The following KCNAB1 variants were observed in gnomAD, a reference collection of about 807,000 sequenced individuals.
KCNAB1 encodes the protein voltage-gated potassium channel subunit beta-1.
Under a neutral mutation model 64.6 loss-of-function variants are expected in KCNAB1, and 35 were observed. The ratio of observed to expected loss-of-function variants is 0.54; its 90% CI spans 0.41 to 0.72. The LOEUF (loss-of-function observed/expected upper bound fraction) is 0.72. Ranked by LOEUF, KCNAB1 falls within the 30% of genes least tolerant of loss-of-function variation. KCNAB1 has a pLI of 0.00. For missense variants in KCNAB1, 401 were observed against 512.9 expected, an observed-to-expected ratio of 0.78 and a Z score of 2.11; for synonymous variants, 177 against 183.8, an observed-to-expected ratio of 0.96 and a Z score of 0.30.
chr3:156,291,814 A>G lies in KCNAB1; in HGVS notation c.276-129802A>G, dbSNP rs142304029. 1,014 of 1,584,724 alleles carry G rather than the reference A, an allele frequency of 6.4e-4. 1 individual carries two copies. Among genetic ancestry groups the G allele is most frequent in the Middle Eastern group, 5.2e-3 (23 of 4,454 alleles). On this transcript the variant is annotated intron_variant, in intron 1 of 13. Transcript: ENST00000490337. ...CAGGAAGGGGGAGCAAGGAGGGCTT[A>G]AAAGAAAAGCAGAAATCCCCGCAAC...
intron 1 of KCNAB1, among the ~76,000 whole-genome samples, chr3:156,247,069 A>G (rs953236275): frequency 2.0e-5 from 3 of 151,698 alleles, no homozygotes; most frequent in Non-Finnish European, 2.9e-5. Context: ...ATTGACTGGG[A>G]AAAAAAAACT....
At position 156,408,298 on chromosome 3, in the gene KCNAB1, G is replaced by A. The variant is rs552277599; in HGVS notation, c.276-13318G>A. 7.2e-5 allele frequency among the ~76,000 whole-genome samples: 11 copies of A among 152,196 alleles called. No individual in the cohort carries two copies. The South Asian group carries it at 2.3e-3, about 32-fold the overall frequency. On this transcript the variant is annotated intron_variant, in intron 1 of 13. Coordinates refer to ENST00000490337, the MANE Select transcript of KCNAB1 (RefSeq NM_172160.3). ...GCACGGATCATGTGAAGGCAGCAAG[G>A]GGCAGAGGAAGACCACACACTTCAA... is the stretch of plus-strand genomic sequence containing the variant.
At chr3:156,158,954 C>T (rs1715915240) in intron 1 of KCNAB1, among the ~76,000 whole-genome samples, 1 of 152,082 alleles carries the variant, frequency 6.6e-6, no homozygotes, top group Non-Finnish European at 1.5e-5. Context: ...AGCTGAATGA[C>T]TTCTGTAGCT....
intron 8 of KCNAB1, among the ~76,000 whole-genome samples, chr3:156,506,021 A>G (rs1576952331): frequency 6.6e-6 from 1 of 152,240 alleles, no homozygotes; most frequent in African/African-American, 2.4e-5. Flanking sequence ...TCACATTTCT[A>G]CATGAGATTT....
intron 1 of KCNAB1, among the ~76,000 whole-genome samples, chr3:156,261,377 C>T (rs988814641): frequency 2.0e-5 from 3 of 151,832 alleles, no homozygotes; most frequent in African/African-American, 7.2e-5. Context: ...TAACTCTTAA[C>T]TTTAGGTCTG....
downstream of KCNAB1, chr3:156,538,831 A>C (rs560953839): frequency 3.2e-4 from 48 of 152,364 alleles, no homozygotes; most frequent in African/African-American, 1.2e-3. Flanking sequence ...CAATCAATGG[A>C]GATTAACTAC....
intron 8 of KCNAB1, among the ~76,000 whole-genome samples, chr3:156,477,915 T>C (rs1453246743): frequency 6.6e-6 from 1 of 152,156 alleles, no homozygotes; most frequent in African/African-American, 2.4e-5. Flanking sequence ...TGCAACAATT[T>C]TGTAACTCAT....
At chr3:156,176,826 G>A (rs1037386847) in intron 1 of KCNAB1, 4 of 955,052 alleles carry the variant, frequency 4.2e-6, no homozygotes, top group African/African-American at 1.6e-5. Context: ...GCCCGATCCC[G>A]CCACTCCCAA....
intron 1 of KCNAB1, among the ~76,000 whole-genome samples, chr3:156,338,303 CTTTTTTTTTTTTT>C (rs34671816): frequency 2.0e-4 from 8 of 39,488 alleles, no homozygotes; most frequent in East Asian, 1.7e-3. Flanking sequence ...GGCATTTGCA[CTTTTTTTTTTTTT>C]TTTTTTTTTT....
intron 1 of KCNAB1, 38 bp from the exon 2 acceptor site, chr3:156,421,578 G>C: frequency 6.2e-7 from 1 of 1,607,070 alleles, no homozygotes; most frequent in Non-Finnish European, 8.5e-7. Flanking sequence ...TTCCACCTGA[G>C]GAAATGATGA....
At chr3:156,265,557 A>G (rs972785245) in intron 1 of KCNAB1, among the ~76,000 whole-genome samples, 1 of 152,192 alleles carries the variant, frequency 6.6e-6, no homozygotes, top group African/African-American at 2.4e-5. Flanking sequence ...TGTCCCTGGG[A>G]AAAGGGCCTC....
At chr3:156,249,920 C>T (rs926934281) in intron 1 of KCNAB1, among the ~76,000 whole-genome samples, 5 of 152,190 alleles carry the variant, frequency 3.3e-5, no homozygotes, top group Non-Finnish European at 7.3e-5. Context: ...GAGCCAAAAA[C>T]TGACCACTGG....
At chr3:156,177,552 T>A (rs911562593) in intron 1 of KCNAB1, among the ~76,000 whole-genome samples, 1 of 151,996 alleles carries the variant, frequency 6.6e-6, no homozygotes, top group Non-Finnish European at 1.5e-5. Context: ...AATTTTTTTG[T>A]ATTTTTAGTA....
At chr3:156,218,801 A>AAAAAAAAAAAAAAAAAT (rs371264941) in intron 1 of KCNAB1, among the ~76,000 whole-genome samples, 2 of 112,246 alleles carry the variant, frequency 1.8e-5, no homozygotes, top group East Asian at 2.8e-4. Context: ...AAAAAAAAAA[A>AAAAAAAAAAAAAAAAAT]AATAATAATA....
chr3:156,297,496 A>G (rs1720877947), intron 1 of KCNAB1, among the ~76,000 whole-genome samples: 1 of 152,138 alleles, frequency 6.6e-6, no homozygotes, highest in Non-Finnish European at 1.5e-5. Context: ...AAAAAAATTA[A>G]GAGTTGTAGC....
chr3:156,302,425 G>A (rs2107990003), intron 1 of KCNAB1, among the ~76,000 whole-genome samples: 1 of 152,234 alleles, frequency 6.6e-6, no homozygotes, highest in South Asian at 2.1e-4. Context: ...AGAGGGGAGA[G>A]TTAAAGGAAC....
intron 1 of KCNAB1, chr3:156,215,600 G>A (rs1715267884): frequency 1.3e-5 from 2 of 152,264 alleles, no homozygotes; most frequent in African/African-American, 4.8e-5. Flanking sequence ...CATCTTGAAA[G>A]ATCAGCAAGC....
chr3:156,176,292 A>G, intron 1 of KCNAB1: 1 of 989,180 alleles, frequency 1.0e-6, no homozygotes, highest in Non-Finnish European at 1.6e-6. Flanking sequence ...CTATTCCACC[A>G]GAAATAATCT....
At chr3:156,404,244 T>A (rs1714095204) in intron 1 of KCNAB1, among the ~76,000 whole-genome samples, 2 of 152,218 alleles carry the variant, frequency 1.3e-5, no homozygotes, top group Non-Finnish European at 2.9e-5. Flanking sequence ...CACAAAACAT[T>A]TGTCTCCACT....
Sources: allele counts gnomAD v4.1 joint callset (sites outside exome capture counted in the v4.1 genomes callset), GRCh38; gene constraint gnomAD v4.1.1; transcripts MANE v1.5; gene names NCBI Gene and HGNC (gene_info 2026-07-23, HGNC 2026-07-21).